Variants in MGAT5B observed in about 807,000 individuals in gnomAD.
The protein encoded by MGAT5B is alpha-1,6-mannosylglycoprotein 6-beta-N-acetylglucosaminyltransferase B.
MGAT5B carries 54 observed loss-of-function variants against 95.1 expected under a neutral mutation model. The ratio of observed to expected loss-of-function variants is 0.57; its 90% CI spans 0.46 to 0.71. The LOEUF (loss-of-function observed/expected upper bound fraction) is 0.71. MGAT5B is among the 30% of genes least tolerant of loss of function. MGAT5B has a pLI of 0.00. For synonymous variants in MGAT5B, 464 were observed against 451.0 expected (o/e 1.03, Z -0.36); for missense variants, 935 against 1,088.6 (o/e 0.86, Z 1.99).
At chr17:76,872,660 A>G in intron 1 of MGAT5B, 191 bp from the exon 2 acceptor site, 1 of 1,482,620 alleles carries the variant, frequency 6.7e-7, no homozygotes, top group Admixed American at 2.4e-5. Flanking sequence ...AGCATCTTGT[A>G]GTTGAGCTCT....
Position 76,870,918 on chromosome 17 carries a change from C to T in MGAT5B, c.68+1821C>T, listed in dbSNP as rs1430420127. 1.3e-5 allele frequency among the ~76,000 whole-genome samples: 2 copies of T among 152,058 alleles called. No homozygotes were observed. The highest frequency in any genetic ancestry group is 3.9e-4 in the East Asian group (2 of 5,168). The stretch of plus-strand genomic sequence containing the variant: ...TGGCTGAAGCCATTTTAACTTGAAT[C>T]CACTCCAAATGGCCCCCAGCTGCCT... On this transcript the variant is annotated intron_variant, in intron 1 of 17. Transcript: ENST00000569840. This position sits in a 1 kb window ranked among gnomAD's most constrained non-coding sequence, Gnocchi z 5.0.
At chr17:76,923,438 A>G (rs4788955) in intron 8 of MGAT5B, among the ~76,000 whole-genome samples, 122,593 of 152,040 alleles carry the variant, frequency 0.81, 49,563 homozygotes, top group African/African-American at 0.82. Flanking sequence ...GGGAGATGGG[A>G]CCCGATGGCC....
intron 4 of MGAT5B, among the ~76,000 whole-genome samples, chr17:76,903,101 C>A (rs918769271): frequency 1.3e-5 from 2 of 152,142 alleles, no homozygotes; most frequent in African/African-American, 4.8e-5. Context: ...CGCACCAGCT[C>A]CTCACTGCAT....
intron 3 of MGAT5B, among the ~76,000 whole-genome samples, chr17:76,901,536 A>G (rs1372935272): frequency 6.6e-6 from 1 of 152,240 alleles, no homozygotes. Flanking sequence ...ATGACGGCTA[A>G]TAAATGTCCC....
intron 12 of MGAT5B, among the ~76,000 whole-genome samples, chr17:76,936,325 T>A (rs1969671124): frequency 6.6e-6 from 1 of 152,068 alleles, no homozygotes; most frequent in Admixed American, 6.6e-5. Context: ...GGAGAATTGT[T>A]TGAACCTGGG....
intron 10 of MGAT5B, among the ~76,000 whole-genome samples, chr17:76,931,452 A>G (rs1969473098): frequency 6.6e-6 from 1 of 152,236 alleles, no homozygotes; most frequent in South Asian, 2.1e-4. Flanking sequence ...CTGGTCGGTA[A>G]GTGCTGTGAT....
Position 76,940,895 on chromosome 17 carries a change from C to G in MGAT5B, c.1848+47C>G. On this transcript the variant is annotated intron_variant, in intron 15 of 17. Coordinates refer to ENST00000569840, the MANE Select transcript of MGAT5B (RefSeq NM_001199172.2). The surrounding 1 kb of genome is among the most constrained non-coding windows in gnomAD (Gnocchi z 4.3). ...TGAGACCCCCCACTAGTCCACACTGCTGGTCTTCACTCTGATTAGAAAACG... is the reference window on the plus strand; with the variant it reads ...TGAGACCCCCCACTAGTCCACACTGGTGGTCTTCACTCTGATTAGAAAACG... 6.8e-7 allele frequency: 1 copy of G among 1,464,132 alleles called. No individual in the cohort carries two copies. The highest frequency in any genetic ancestry group is 9.6e-7 in the Non-Finnish European group (1 of 1,045,870). The allele number at this position is 1,464,132 out of a possible 1,614,324, so 90.7% of individuals were successfully genotyped here.
At chr17:76,921,461 G>T (rs1313949701) in intron 8 of MGAT5B, among the ~76,000 whole-genome samples, 1 of 152,182 alleles carries the variant, frequency 6.6e-6, no homozygotes, top group Non-Finnish European at 1.5e-5. Context: ...CCCTTTTCCT[G>T]CCCGGCTCTG....
rs148015153 is a variant in MGAT5B at position 76,948,075 on chromosome 17, C to T, written c.2169C>T (p.Asp723=). 7 of 1,601,332 alleles carry T rather than the reference C, an allele frequency of 4.4e-6. No individual in the cohort carries two copies. The highest frequency in any genetic ancestry group is 1.7e-4 in the Middle Eastern group (1 of 6,024). ...TCTTCCCCTTCCTGAACAGCCAGGA[C>T]GCCTTCCTCAAGTGAGTGTTCCCCC... The part of the protein sequence containing the change: ...PSFFPFLNSQ[D]AFLKLQVPCD... The change falls in exon 17 of 18, where the codon GAC becomes GAT. Residue 723 remains aspartate (D), a synonymous_variant. Transcript: ENST00000569840.
chr17:76,897,660 A>ACTTACTTT (rs1968113593), intron 3 of MGAT5B, among the ~76,000 whole-genome samples: 2 of 69,440 alleles, frequency 2.9e-5, no homozygotes, highest in Non-Finnish European at 2.6e-5. Flanking sequence ...AAGTAAGGCC[A>ACTTACTTT]CTTTCTTTCT....
At chr17:76,891,520 C>T (rs1967869157) in intron 3 of MGAT5B, among the ~76,000 whole-genome samples, 1 of 152,122 alleles carries the variant, frequency 6.6e-6, no homozygotes, top group Non-Finnish European at 1.5e-5. Flanking sequence ...GCTGGGACTA[C>T]AGGCATCTGC....
chr17:76,895,032 G>A (rs887060630), intron 3 of MGAT5B, among the ~76,000 whole-genome samples: 8 of 152,098 alleles, frequency 5.3e-5, no homozygotes, highest in African/African-American at 1.2e-4. Flanking sequence ...GGAAGTGGGC[G>A]GCAGGCAAGC....
At chr17:76,939,040 G>T (rs1011732815) in intron 13 of MGAT5B, among the ~76,000 whole-genome samples, 2 of 147,320 alleles carry the variant, frequency 1.4e-5, no homozygotes, top group Non-Finnish European at 1.5e-5. Context: ...GTGTGTGTGT[G>T]TGTGTGTGTG....
At position 76,914,826 on chromosome 17, in the gene MGAT5B, C is replaced by T. The variant is rs916776514; in HGVS notation, c.1025+8639C>T. On this transcript the variant is annotated intron_variant, in intron 8 of 17. Transcript: ENST00000569840. This position sits in a 1 kb window ranked among gnomAD's most constrained non-coding sequence, Gnocchi z 5.1. ...CTAATTTTTGTATTTTTAGTAGAGACAGGGTTTCACCATGTGGGCCAGGCT... is the reference window on the plus strand; with the variant it reads ...CTAATTTTTGTATTTTTAGTAGAGATAGGGTTTCACCATGTGGGCCAGGCT... Among the ~76,000 whole-genome samples, 6 of 152,132 alleles carry T rather than the reference C, an allele frequency of 3.9e-5. No homozygotes were observed. Among genetic ancestry groups the T allele is most frequent in the African/African-American group, 1.4e-4 (6 of 41,418 alleles).
At position 76,949,268 on chromosome 17, in the gene MGAT5B, C is replaced by G. The variant is rs1970131825; in HGVS notation, c.*430C>G. On this transcript the variant is annotated 3_prime_UTR_variant, in exon 18 of 18. Coordinates refer to ENST00000569840, the MANE Select transcript of MGAT5B (RefSeq NM_001199172.2). ...CAGGGACCAGGCTGCCCCACGGTCC[C>G]TGAAGGGTCCAAGGAGGGGCCCTCC... is the stretch of plus-strand genomic sequence containing the variant. 1 of 191,314 alleles carries G rather than the reference C, an allele frequency of 5.2e-6. No individual in the cohort carries two copies. 11.9% of individuals were successfully genotyped at this position (191,314 alleles called of 1,614,324 possible). A position where few individuals can be genotyped will look rare whatever the true frequency, so the allele number is the denominator to read the frequency against.
At chr17:76,893,492 A>G (rs746108079) in intron 3 of MGAT5B, among the ~76,000 whole-genome samples, 1 of 152,218 alleles carries the variant, frequency 6.6e-6, no homozygotes, top group African/African-American at 2.4e-5. Context: ...CTTAAAATGC[A>G]TGTAACAAAG....
In MGAT5B at chr17:76,882,195, G is replaced by T. The variant is rs757568774; in HGVS notation, c.226G>T (p.Asp76Tyr). 1.9e-6 allele frequency: 3 copies of T among 1,613,506 alleles called. No individual in the cohort carries two copies. The highest frequency in any genetic ancestry group is 2.2e-5 in the South Asian group (2 of 91,002). Residue 76 changes from aspartate (D) to tyrosine (Y), a missense_variant, in exon 3 of 18, where the codon GAC becomes TAC. Around this residue, in one of 4 missense-constraint regions of MGAT5B, gnomAD observed 243 missense variants for 228.2 expected, o/e 1.06. Coordinates refer to ENST00000569840, the MANE Select transcript of MGAT5B (RefSeq NM_001199172.2). ...ESRGVLRKMS[D>Y]LLELMVKRMD... ...CCGCGGCGTCCTGCGCAAGATGAGCGACCTGCTGGAGCTGATGGTGAAGCG... is the reference window on the plus strand; with the variant it reads ...CCGCGGCGTCCTGCGCAAGATGAGCTACCTGCTGGAGCTGATGGTGAAGCG...
At chr17:76,902,308 T>A (rs1968341604) in intron 3 of MGAT5B, among the ~76,000 whole-genome samples, 1 of 152,082 alleles carries the variant, frequency 6.6e-6, no homozygotes. Context: ...AACATGCAGT[T>A]GTGACCAACA....
intron 6 of MGAT5B, among the ~76,000 whole-genome samples, chr17:76,904,957 G>A (rs1454611770): frequency 6.6e-6 from 1 of 152,208 alleles, no homozygotes; most frequent in African/African-American, 2.4e-5. Context: ...AAGGGCTAGG[G>A]GCCCATGGTT....
Sources: gnomAD v4.1 joint callset for allele counts (sites outside exome capture counted in the v4.1 genomes callset) on GRCh38, gnomAD v4.1.1 for gene constraint, gnomAD v4.1.1 regional missense constraint, Gnocchi (gnomAD v3.1) non-coding constraint, MANE v1.5 for transcripts, NCBI Gene and HGNC (gene_info 2026-07-23, HGNC 2026-07-21) for gene names.